The following SAMD12 variants were observed in gnomAD, a reference collection of about 807,000 sequenced individuals.
SAMD12 encodes sterile alpha motif domain containing 12.
In SAMD12, 9 loss-of-function variants were observed where a neutral mutation model predicts 15.0. That is an observed-to-expected ratio of 0.60 (90% CI 0.36 to 1.05). SAMD12 has a LOEUF of 1.05. Among genes scored for constraint, SAMD12 ranks in the 50% least tolerant of loss-of-function variants. The pLI is 0.01. For missense variants in SAMD12, 230 were observed against 234.2 expected (o/e 0.98, Z 0.12); for synonymous variants, 86 against 90.1 (o/e 0.96, Z 0.25).
chr8:118,583,465 A>G (rs1283885733), intron 1 of SAMD12, among the ~76,000 whole-genome samples: 1 of 152,196 alleles, frequency 6.6e-6, no homozygotes, highest in African/African-American at 2.4e-5. Context: ...TGAAGAAAAG[A>G]AAAATGTGTA....
At chr8:118,263,464 A>G (rs1246098245) in intron 4 of SAMD12, among the ~76,000 whole-genome samples, 4 of 152,094 alleles carry the variant, frequency 2.6e-5, no homozygotes, top group East Asian at 3.9e-4. Flanking sequence ...CTGAAGTTAA[A>G]TAAGAGATTT....
At chr8:118,161,927 A>G in the SAMD12 span, among the ~76,000 whole-genome samples, 1 of 151,924 alleles carries the variant, frequency 6.6e-6, no homozygotes, top group African/African-American at 2.4e-5. Context: ...TGGGAGGCCC[A>G]GGCGGGTGGA....
At chr8:118,497,739 G>GGGGGAAA (rs1824665092) in intron 2 of SAMD12, among the ~76,000 whole-genome samples, 1 of 58,244 alleles carries the variant, frequency 1.7e-5, no homozygotes, top group African/African-American at 7.7e-5. Flanking sequence ...GGGGTGGGGG[G>GGGGGAAA]AAAGAAAAAA....
chr8:118,514,931 A>G (rs529028988), intron 2 of SAMD12, among the ~76,000 whole-genome samples: 80 of 152,154 alleles, frequency 5.3e-4, no homozygotes, highest in Non-Finnish European at 1.0e-3. Context: ...AGGTGATTGG[A>G]TCATGCGAAC....
chr8:118,491,850 T>C (rs922609796), intron 2 of SAMD12, among the ~76,000 whole-genome samples: 1 of 152,216 alleles, frequency 6.6e-6, no homozygotes, highest in Non-Finnish European at 1.5e-5. Context: ...ATTCTCTTAT[T>C]GATAGATATG....
chr8:118,245,787 GT>G (rs1224942194), intron 4 of SAMD12, among the ~76,000 whole-genome samples: 8 of 152,100 alleles, frequency 5.3e-5, no homozygotes, highest in Non-Finnish European at 1.2e-4. Flanking sequence ...GAATTTTCCA[GT>G]TGTAAGGGAA....
chr8:118,491,981 G>C (rs1393891569), intron 2 of SAMD12, among the ~76,000 whole-genome samples: 3 of 152,062 alleles, frequency 2.0e-5, no homozygotes, highest in African/African-American at 7.2e-5. Context: ...TGAGTCACTT[G>C]GCAAGTATCT....
chr8:118,500,067 CTTTTTTTTT>C (rs563321387), intron 2 of SAMD12, among the ~76,000 whole-genome samples: 9 of 72,572 alleles, frequency 1.2e-4, no homozygotes, highest in East Asian at 5.0e-4. Flanking sequence ...TGAGTTTTGC[CTTTTTTTTT>C]TTTTTTTTTT....
At chr8:118,384,725 A>G (rs995514604) in intron 3 of SAMD12, among the ~76,000 whole-genome samples, 3 of 152,244 alleles carry the variant, frequency 2.0e-5, no homozygotes, top group African/African-American at 2.4e-5. Flanking sequence ...AAGAATAAAC[A>G]CGACAGAATT....
chr8:118,585,415 T>C (rs1827413443), intron 1 of SAMD12, among the ~76,000 whole-genome samples: 2 of 152,188 alleles, frequency 1.3e-5, no homozygotes, highest in Admixed American at 1.3e-4. Context: ...CACTGAACCA[T>C]ATAATTAAAA....
At chr8:118,396,068 T>G (rs765936469) in intron 3 of SAMD12, among the ~76,000 whole-genome samples, 34 of 152,202 alleles carry the variant, frequency 2.2e-4, no homozygotes, top group Non-Finnish European at 4.0e-4. Context: ...CCATTCATTC[T>G]TCTTCCAGCA....
chr8:118,200,850 G>A (rs193079545), intron 4 of SAMD12, among the ~76,000 whole-genome samples: 1 of 152,140 alleles, frequency 6.6e-6, no homozygotes, highest in East Asian at 1.9e-4. Flanking sequence ...ACAGGGTCTA[G>A]CTCTCATCGA....
chr8:118,550,138 G>A (rs1471465025), intron 2 of SAMD12, among the ~76,000 whole-genome samples: 190 of 152,176 alleles, frequency 1.2e-3, no homozygotes, highest in African/African-American at 4.5e-3. Context: ...CCCCAACCCA[G>A]CAAGGCAGGC....
At chr8:118,424,963 G>T (rs1259220014) in intron 3 of SAMD12, among the ~76,000 whole-genome samples, 1 of 148,182 alleles carries the variant, frequency 6.7e-6, no homozygotes, top group Non-Finnish European at 1.5e-5. Flanking sequence ...TTTTGAGACA[G>T]AGTCTTGCTC....
chr8:118,605,246 A>C (rs1034225442), intron 1 of SAMD12, among the ~76,000 whole-genome samples: 2 of 152,234 alleles, frequency 1.3e-5, no homozygotes, highest in Non-Finnish European at 2.9e-5. Context: ...TGCTTTCTCA[A>C]GTTCCCATCA....
chr8:118,544,051 C>A (rs1174321265), intron 2 of SAMD12, among the ~76,000 whole-genome samples: 1 of 152,108 alleles, frequency 6.6e-6, no homozygotes. Flanking sequence ...CCATCTGTTC[C>A]CAATCCACCC....
intron 2 of SAMD12, among the ~76,000 whole-genome samples, chr8:118,527,857 T>C (rs997039157): frequency 2.0e-5 from 3 of 152,190 alleles, no homozygotes; most frequent in East Asian, 1.9e-4. Flanking sequence ...TTTAAGTAGT[T>C]AGAAAAATGA....
intron 4 of SAMD12, among the ~76,000 whole-genome samples, chr8:118,230,145 C>T (rs954762287): frequency 6.6e-6 from 1 of 152,092 alleles, no homozygotes; most frequent in Admixed American, 6.6e-5. Context: ...TAGGAGCCAA[C>T]GTTTAATGAG....
At chr8:118,141,658 T>C in the SAMD12 span, among the ~76,000 whole-genome samples, 1 of 152,238 alleles carries the variant, frequency 6.6e-6, no homozygotes, top group Non-Finnish European at 1.5e-5. Flanking sequence ...TGAATAGTTT[T>C]GATGTAAAGA....
Sources: allele counts gnomAD v4.1 joint callset (sites outside exome capture counted in the v4.1 genomes callset), GRCh38; gene constraint gnomAD v4.1.1; transcripts MANE v1.5; gene names NCBI Gene and HGNC (gene_info 2026-07-23, HGNC 2026-07-21).